SH3KBP1: variants seen among roughly 807,000 people sequenced by gnomAD.
SH3KBP1 encodes the protein SH3 domain containing kinase binding protein 1.
SH3KBP1 carries 8 observed loss-of-function variants against 50.1 expected under a neutral mutation model. That is an observed-to-expected ratio of 0.16 (90% CI 0.09 to 0.29). The LOEUF (loss-of-function observed/expected upper bound fraction) is 0.29. Ranked by LOEUF, SH3KBP1 falls within the 10% of genes least tolerant of loss-of-function variation. The probability of loss-of-function intolerance (pLI) is 1.00; values close to 1 mark genes in which losing one functional copy is unlikely to be tolerated. For missense variants in SH3KBP1, 377 were observed against 535.2 expected (o/e 0.70, Z 2.92); for synonymous variants, 227 against 218.6 (o/e 1.04, Z -0.34).
intron 1 of SH3KBP1, among the ~76,000 whole-genome samples, chrX:19,878,505 T>A (rs12838749): frequency 0.019 from 903 of 48,158 alleles, 8 homozygotes; most frequent in Middle Eastern, 0.06. Flanking sequence ...TGTGTGTGTG[T>A]GAGAGAGAGA....
intron 2 of SH3KBP1, among the ~76,000 whole-genome samples, chrX:19,831,757 C>G (rs1474206658): frequency 6.5e-5 from 4 of 61,977 alleles, no homozygotes; most frequent in Non-Finnish European, 2.7e-5. Flanking sequence ...CACCATTGCA[C>G]TCCAGCCTCA....
intron 6 of SH3KBP1, among the ~76,000 whole-genome samples, chrX:19,660,778 CA>C (rs1277065296): frequency 8.9e-6 from 1 of 112,122 alleles, no homozygotes. Flanking sequence ...TACTCAGGAG[CA>C]AACACACCAC....
intron 6 of SH3KBP1, among the ~76,000 whole-genome samples, chrX:19,682,855 G>A (rs1396696902): frequency 1.2e-4 from 12 of 101,366 alleles, no homozygotes; most frequent in African/African-American, 4.0e-4. Context: ...ATGTCCTACA[G>A]CTGCAGAAGA....
chrX:19,705,352 A>G (rs937913975), intron 4 of SH3KBP1, among the ~76,000 whole-genome samples: 1 of 111,880 alleles, frequency 8.9e-6, no homozygotes, highest in South Asian at 3.7e-4. Flanking sequence ...TTCAAATCGT[A>G]CCAAAATCTT....
chrX:19,849,280 A>G (rs1172782841), intron 1 of SH3KBP1, among the ~76,000 whole-genome samples: 3 of 111,748 alleles, frequency 2.7e-5, no homozygotes, highest in African/African-American at 9.8e-5. Context: ...AATATGTTAA[A>G]TGGCACTCTA....
chrX:19,653,806 AC>A (rs2062197848), intron 6 of SH3KBP1, among the ~76,000 whole-genome samples: 9 of 98,147 alleles, frequency 9.2e-5, no homozygotes, highest in Non-Finnish European at 1.8e-4. Flanking sequence ...ACACACACAC[AC>A]ACACACAGCT....
At chrX:19,585,294 C>T (rs2066528945) in intron 12 of SH3KBP1, among the ~76,000 whole-genome samples, 2 of 111,601 alleles carry the variant, frequency 1.8e-5, no homozygotes, top group South Asian at 7.6e-4. Context: ...AATATAAGCA[C>T]TGGCACCTCC....
intron 12 of SH3KBP1, among the ~76,000 whole-genome samples, chrX:19,583,390 G>A (rs773084346): frequency 9.0e-6 from 1 of 110,513 alleles, no homozygotes; most frequent in Non-Finnish European, 1.9e-5. Flanking sequence ...CCTGACCTCA[G>A]GTGATCCACT....
At chrX:19,804,021 A>T (rs1447128674) in intron 2 of SH3KBP1, among the ~76,000 whole-genome samples, 1 of 111,345 alleles carries the variant, frequency 9.0e-6, no homozygotes, top group Non-Finnish European at 1.9e-5. Context: ...AAATACAAAA[A>T]ATTAGCCAGG....
intron 2 of SH3KBP1, among the ~76,000 whole-genome samples, chrX:19,766,483 CTTTTTTTTTTTTTTTTTTTTTT>C (rs61439964): frequency 1.9e-3 from 44 of 22,589 alleles, no homozygotes; most frequent in East Asian, 0.017. Context: ...TTGATTGCAT[CTTTTTTTTTTTTTTTTTTTTTT>C]TTTTTTTTTT....
chrX:19,549,947 G>T, intron 14 of SH3KBP1, 27 bp downstream of exon 14: 1 of 1,031,278 alleles, frequency 9.7e-7, no homozygotes, highest in Non-Finnish European at 1.4e-6. Context: ...AGAAGTAAGG[G>T]AACATACAGT....
chrX:19,631,883 A>G lies in SH3KBP1; in HGVS notation c.878T>C (p.Ile293Thr). 1 of 1,190,093 alleles carries G rather than the reference A, an allele frequency of 8.4e-7. No individual in the cohort carries two copies. Among genetic ancestry groups the G allele is most frequent in the Non-Finnish European group, 1.1e-6 (1 of 877,125 alleles). Reference sequence around the variant, plus strand: ...GTTTACCTTATTGATGAGAGTGACTATATCTCCTTCTTTGATTGTCAATTC... The same window carrying G: ...GTTTACCTTATTGATGAGAGTGACTGTATCTCCTTCTTTGATTGTCAATTC... ...DDELTIKEGDIVTLINKDCID... is the reference protein window; with the variant it reads ...DDELTIKEGDTVTLINKDCID... Residue 293 changes from isoleucine (I) to threonine (T), a missense_variant, in exon 8 of 18, where the codon ATA becomes ACA. This residue lies in a region of SH3KBP1 where 257 missense variants were observed against 374.2 expected (regional missense o/e 0.69). Coordinates refer to ENST00000397821, the MANE Select transcript of SH3KBP1 (RefSeq NM_031892.3).
chrX:19,848,295 G>T (rs1756571730), intron 1 of SH3KBP1, among the ~76,000 whole-genome samples: 1 of 111,700 alleles, frequency 9.0e-6, no homozygotes, highest in Non-Finnish European at 1.9e-5. Flanking sequence ...AACACTACTA[G>T]GGTCATGTCA....
intron 1 of SH3KBP1, among the ~76,000 whole-genome samples, chrX:19,838,298 G>A (rs1322621160): frequency 8.9e-6 from 1 of 112,426 alleles, no homozygotes; most frequent in African/African-American, 3.2e-5. Context: ...GGGGCAGGAA[G>A]CAGCCAGAGG....
At chrX:19,676,949 G>T (rs2148563063) in intron 6 of SH3KBP1, among the ~76,000 whole-genome samples, 1 of 112,501 alleles carries the variant, frequency 8.9e-6, no homozygotes, top group Non-Finnish European at 1.9e-5. Flanking sequence ...GCTAAGACAG[G>T]AAGACCATGG....
intron 2 of SH3KBP1, among the ~76,000 whole-genome samples, chrX:19,828,812 T>A (rs1306514277): frequency 9.0e-6 from 1 of 111,460 alleles, no homozygotes; most frequent in Non-Finnish European, 1.9e-5. Context: ...TAAAAATCAG[T>A]CTTTGTCAGT....
chrX:19,836,663 C>T (rs1274202630), intron 1 of SH3KBP1, among the ~76,000 whole-genome samples: 1 of 111,916 alleles, frequency 8.9e-6, no homozygotes, highest in Admixed American at 9.4e-5. Context: ...CATCCCCCGC[C>T]AATACTATGT....
At chrX:19,613,984 C>T (rs189736159) in intron 8 of SH3KBP1, among the ~76,000 whole-genome samples, 52 of 112,871 alleles carry the variant, frequency 4.6e-4, no homozygotes, top group African/African-American at 1.6e-3. Context: ...TGGCCTGGTC[C>T]GAATCCCTGA....
intron 2 of SH3KBP1, among the ~76,000 whole-genome samples, chrX:19,789,123 C>CA (rs947264027): frequency 4.5e-5 from 5 of 110,365 alleles, no homozygotes; most frequent in Non-Finnish European, 7.6e-5. Flanking sequence ...GGCTCCATCT[C>CA]AAAAAAATAT....
Sources: gnomAD v4.1 joint callset for allele counts (sites outside exome capture counted in the v4.1 genomes callset) on GRCh38, gnomAD v4.1.1 for gene constraint, gnomAD v4.1.1 regional missense constraint, MANE v1.5 for transcripts, NCBI Gene and HGNC (gene_info 2026-07-23, HGNC 2026-07-21) for gene names.